Variants in TRABD2B observed in about 807,000 individuals in gnomAD.
The protein encoded by TRABD2B is metalloprotease TIKI2.
Under a neutral mutation model 40.1 loss-of-function variants are expected in TRABD2B, and 14 were observed. That is an observed-to-expected ratio of 0.35 (90% CI 0.23 to 0.55). The LOEUF is 0.55. Among genes scored for constraint, TRABD2B ranks in the 20% least tolerant of loss-of-function variants. The probability of loss-of-function intolerance (pLI) is 0.90; values close to 1 mark genes in which losing one functional copy is unlikely to be tolerated. For synonymous variants in TRABD2B, 263 were observed against 277.0 expected (o/e 0.95, Z 0.50); for missense variants, 541 against 648.6 (o/e 0.83, Z 1.80).
intron 2 of TRABD2B, among the ~76,000 whole-genome samples, chr1:47,949,418 T>TC (rs1402194736): frequency 7.0e-6 from 1 of 143,226 alleles, no homozygotes; most frequent in Admixed American, 7.0e-5. Context: ...TTTTTTTTTT[T>TC]TTTTTTTGAG....
chr1:47,944,141 G>A (rs944611176), intron 2 of TRABD2B, among the ~76,000 whole-genome samples: 2 of 152,166 alleles, frequency 1.3e-5, no homozygotes, highest in Non-Finnish European at 2.9e-5. Context: ...TGCAGGACAC[G>A]GGAGTGCATG....
chr1:47,822,248 C>T (rs1645121639), intron 2 of TRABD2B, among the ~76,000 whole-genome samples: 1 of 152,220 alleles, frequency 6.6e-6, no homozygotes, highest in Admixed American at 6.5e-5. Context: ...TTTGGGCTCT[C>T]TTCCTCCTTC....
intron 2 of TRABD2B, among the ~76,000 whole-genome samples, chr1:47,992,752 C>G (rs964371733): frequency 2.6e-5 from 4 of 152,288 alleles, no homozygotes; most frequent in Admixed American, 2.6e-4. Context: ...GATTTTCCCC[C>G]GTGGAGAAGG....
intron 2 of TRABD2B, among the ~76,000 whole-genome samples, chr1:47,871,187 A>G (rs1644135479): frequency 6.6e-6 from 1 of 152,112 alleles, no homozygotes; most frequent in Non-Finnish European, 1.5e-5. Flanking sequence ...CCCAAGTAGT[A>G]AGGGGCTGAG....
intron 2 of TRABD2B, among the ~76,000 whole-genome samples, chr1:47,967,748 C>T (rs1009103606): frequency 6.6e-6 from 1 of 152,220 alleles, no homozygotes; most frequent in Non-Finnish European, 1.5e-5. Flanking sequence ...ATACACCTCA[C>T]CATGTGATAT....
rs1265333000 is a variant in TRABD2B at position 47,888,001 on chromosome 1, CA to C, written c.667-86383del. Among the ~76,000 whole-genome samples, 4 of 152,324 alleles carry C rather than the reference CA, an allele frequency of 2.6e-5. No homozygotes were observed. The East Asian group carries it at 7.7e-4, about 29-fold the overall frequency. ...GATGAAGGTGACTTCACAAGGGAGACAAATGAATCAAAGGGCTGACACCCAT... is the reference window on the plus strand; with the variant it reads ...GATGAAGGTGACTTCACAAGGGAGACAATGAATCAAAGGGCTGACACCCAT... On this transcript the variant is annotated intron_variant, in intron 2 of 6. Transcript: ENST00000606738.
At chr1:47,989,753 CACACACACACACACACACACAA>C (rs965534184) in intron 2 of TRABD2B, among the ~76,000 whole-genome samples, 47 of 151,180 alleles carry the variant, frequency 3.1e-4, no homozygotes, top group Non-Finnish European at 6.1e-4. Context: ...CATTCCAACA[CACACACACACACACACACACAA>C]ACACACACAC....
In TRABD2B at chr1:47,907,696, C is replaced by T. The variant is rs561388167; in HGVS notation, c.666+86338G>A. ...CATCTAAAGGAGGAGGATCCCAGGT[C>T]GCTGGAGGCCATGAGAAAAGCAAAA... On this transcript the variant is annotated intron_variant, in intron 2 of 6. Coordinates refer to ENST00000606738, the MANE Select transcript of TRABD2B (RefSeq NM_001194986.2). Among the ~76,000 whole-genome samples, 24 of 152,264 alleles carry T rather than the reference C, an allele frequency of 1.6e-4. No homozygotes were observed. The East Asian group carries it at 1.9e-3, about 12-fold the overall frequency.
At chr1:47,892,975 C>A (rs1396638700) in intron 2 of TRABD2B, among the ~76,000 whole-genome samples, 1 of 152,142 alleles carries the variant, frequency 6.6e-6, no homozygotes, top group African/African-American at 2.4e-5. Context: ...AAAAGGTAAG[C>A]TGGTGGGGAG....
At chr1:47,773,720 C>T (rs1291184232) in intron 6 of TRABD2B, among the ~76,000 whole-genome samples, 1 of 152,188 alleles carries the variant, frequency 6.6e-6, no homozygotes, top group Non-Finnish European at 1.5e-5. Context: ...TTATAAATTA[C>T]CCAGTCTCGG....
intron 2 of TRABD2B, among the ~76,000 whole-genome samples, chr1:47,962,873 T>G (rs1475631832): frequency 1.3e-5 from 2 of 152,188 alleles, no homozygotes; most frequent in Non-Finnish European, 1.5e-5. Flanking sequence ...AGCCATGTAT[T>G]GAGCACAAGG....
chr1:47,781,826 T>G (rs1644527887), intron 4 of TRABD2B, among the ~76,000 whole-genome samples: 1 of 152,226 alleles, frequency 6.6e-6, no homozygotes, highest in East Asian at 1.9e-4. Flanking sequence ...TCTACCACCC[T>G]GCCCTCTCTG....
chr1:47,846,894 A>ACACACACACACGCG (rs1439715341), intron 2 of TRABD2B, among the ~76,000 whole-genome samples: 1 of 145,576 alleles, frequency 6.9e-6, no homozygotes, highest in Non-Finnish European at 1.5e-5. Context: ...ACACACACAC[A>ACACACACACACGCG]CAAATGAGGG....
At chr1:47,805,135 G>A (rs954181361) in intron 2 of TRABD2B, among the ~76,000 whole-genome samples, 1 of 152,158 alleles carries the variant, frequency 6.6e-6, no homozygotes, top group African/African-American at 2.4e-5. Context: ...TGTGGGCAGA[G>A]TGGACTCAAC....
chr1:47,987,401 A>G (rs1645934636), intron 2 of TRABD2B, among the ~76,000 whole-genome samples: 1 of 152,102 alleles, frequency 6.6e-6, no homozygotes, highest in Non-Finnish European at 1.5e-5. Context: ...CACCATTCCT[A>G]GATTCTTTGA....
At chr1:47,849,981 C>T (rs1027125703) in intron 2 of TRABD2B, among the ~76,000 whole-genome samples, 1 of 152,250 alleles carries the variant, frequency 6.6e-6, no homozygotes, top group South Asian at 2.1e-4. Context: ...CACAGACTCA[C>T]AGGAGAATTG....
chr1:47,976,454 A>G (rs898334033), intron 2 of TRABD2B, among the ~76,000 whole-genome samples: 4 of 152,168 alleles, frequency 2.6e-5, no homozygotes, highest in African/African-American at 9.7e-5. Context: ...GCATTCAACA[A>G]TCATTAACTG....
intron 4 of TRABD2B, among the ~76,000 whole-genome samples, chr1:47,784,037 C>T (rs1277931676): frequency 6.6e-6 from 1 of 152,202 alleles, no homozygotes; most frequent in African/African-American, 2.4e-5. Flanking sequence ...CACACATGCT[C>T]ATACTTAGTG....
intron 2 of TRABD2B, among the ~76,000 whole-genome samples, chr1:47,852,656 G>A (rs1027744848): frequency 6.6e-6 from 1 of 152,200 alleles, no homozygotes; most frequent in African/African-American, 2.4e-5. Context: ...CATTTCTGCT[G>A]TGTTCCAGGC....
Sources: gnomAD v4.1 joint callset for allele counts (sites outside exome capture counted in the v4.1 genomes callset) on GRCh38, gnomAD v4.1.1 for gene constraint, MANE v1.5 for transcripts, NCBI Gene and HGNC (gene_info 2026-07-23, HGNC 2026-07-21) for gene names.